The following SGCZ variants were observed in gnomAD, a reference collection of about 807,000 sequenced individuals.
SGCZ encodes the protein zeta-sarcoglycan.
Under a neutral mutation model 41.3 loss-of-function variants are expected in SGCZ, and 40 were observed. That is an observed-to-expected ratio of 0.97 (90% confidence interval 0.75 to 1.26). SGCZ has a LOEUF of 1.26. SGCZ is among the 50% of genes most tolerant of loss of function. The pLI, the probability that SGCZ is intolerant of heterozygous loss-of-function variation, is 0.00. For synonymous variants in SGCZ, 206 were observed against 137.5 expected (o/e 1.50, Z -3.49); for missense variants, 552 against 369.8 (o/e 1.49, Z -4.04).
At chr8:14,800,993 A>G (rs909303927) in intron 1 of SGCZ, among the ~76,000 whole-genome samples, 3 of 152,212 alleles carry the variant, frequency 2.0e-5, no homozygotes, top group Non-Finnish European at 4.4e-5. Flanking sequence ...AAAGGAAACT[A>G]GCTCCGAATA....
intron 3 of SGCZ, among the ~76,000 whole-genome samples, chr8:14,240,540 T>C (rs1315535551): frequency 6.6e-6 from 1 of 151,542 alleles, no homozygotes; most frequent in African/African-American, 2.4e-5. Context: ...TTCACTGTGA[T>C]AGCACCAATA....
intron 1 of SGCZ, among the ~76,000 whole-genome samples, chr8:14,671,522 A>G (rs143011608): frequency 6.6e-6 from 1 of 152,204 alleles, no homozygotes; most frequent in South Asian, 2.1e-4. Flanking sequence ...AAACACAATT[A>G]AATTTCAAGA....
At chr8:14,968,732 A>T (rs931699610) in intron 1 of SGCZ, among the ~76,000 whole-genome samples, 1 of 152,154 alleles carries the variant, frequency 6.6e-6, no homozygotes, top group Admixed American at 6.5e-5. Context: ...AAAGGCTAAA[A>T]GAAAATAACT....
chr8:14,453,149 T>C (rs778527470), intron 2 of SGCZ, among the ~76,000 whole-genome samples: 3 of 152,074 alleles, frequency 2.0e-5, no homozygotes, highest in Non-Finnish European at 2.9e-5. Context: ...ATATGTTATA[T>C]ACATTATATA....
At chr8:14,733,417 G>C (rs1317699803) in intron 1 of SGCZ, among the ~76,000 whole-genome samples, 4 of 152,084 alleles carry the variant, frequency 2.6e-5, no homozygotes, top group Non-Finnish European at 4.4e-5. Flanking sequence ...ATGCCTCTTG[G>C]TTCTAGAAAT....
intron 1 of SGCZ, among the ~76,000 whole-genome samples, chr8:14,650,981 T>C (rs1157824410): frequency 1.3e-5 from 2 of 152,076 alleles, no homozygotes; most frequent in African/African-American, 2.4e-5. Context: ...TCTTAAAATA[T>C]AAACTATAAA....
At chr8:14,689,778 T>C (rs892629286) in intron 1 of SGCZ, among the ~76,000 whole-genome samples, 2 of 152,162 alleles carry the variant, frequency 1.3e-5, no homozygotes, top group African/African-American at 4.8e-5. Context: ...TATCTATTAA[T>C]ACAACAGACG....
At chr8:14,444,036 A>G (rs1178927759) in intron 2 of SGCZ, among the ~76,000 whole-genome samples, 1 of 152,224 alleles carries the variant, frequency 6.6e-6, no homozygotes. Context: ...GAAGACATTT[A>G]TGCAGCCAAA....
At chr8:15,072,179 G>A (rs1273578079) in intron 1 of SGCZ, among the ~76,000 whole-genome samples, 7 of 151,960 alleles carry the variant, frequency 4.6e-5, no homozygotes, top group Admixed American at 2.6e-4. Flanking sequence ...CACATGTCTC[G>A]TCCCCAGTAA....
At chr8:15,135,774 G>C (rs1808080165) in intron 1 of SGCZ, among the ~76,000 whole-genome samples, 1 of 152,086 alleles carries the variant, frequency 6.6e-6, no homozygotes, top group African/African-American at 2.4e-5. Flanking sequence ...AATAATTCGA[G>C]GGTGAGCTGG....
chr8:14,883,444 T>C (rs1407190990), intron 1 of SGCZ, among the ~76,000 whole-genome samples: 1 of 152,040 alleles, frequency 6.6e-6, no homozygotes, highest in Non-Finnish European at 1.5e-5. Context: ...CACAAATAGT[T>C]TTTAAAAATG....
At chr8:14,450,587 G>A (rs1168878962) in intron 2 of SGCZ, among the ~76,000 whole-genome samples, 1 of 152,150 alleles carries the variant, frequency 6.6e-6, no homozygotes, top group Non-Finnish European at 1.5e-5. Context: ...ACAACCTCCA[G>A]TGATCACTGC....
intron 2 of SGCZ, among the ~76,000 whole-genome samples, chr8:14,408,593 A>T (rs566472032): frequency 2.4e-4 from 36 of 152,174 alleles, no homozygotes; most frequent in African/African-American, 8.2e-4. Context: ...TTTCTATATA[A>T]ATCAGTTTAT....
intron 3 of SGCZ, among the ~76,000 whole-genome samples, chr8:14,316,854 C>T (rs11994216): frequency 0.58 from 87,177 of 149,910 alleles, 27,372 homozygotes; most frequent in Non-Finnish European, 0.73. Context: ...CACACACACA[C>T]GCCCTGCACT....
chr8:14,518,564 C>A (rs932170252), intron 2 of SGCZ, among the ~76,000 whole-genome samples: 1 of 152,038 alleles, frequency 6.6e-6, no homozygotes, highest in Non-Finnish European at 1.5e-5. Flanking sequence ...TAAAATAGAA[C>A]TTTGTCTAGA....
chr8:14,272,224 T>C (rs923427896), intron 3 of SGCZ, among the ~76,000 whole-genome samples: 52 of 152,172 alleles, frequency 3.4e-4, no homozygotes, highest in African/African-American at 1.0e-3. Context: ...GGCTGGTCTC[T>C]AACTCCTGAC....
At chr8:14,896,609 TG>T (rs1322271029) in intron 1 of SGCZ, among the ~76,000 whole-genome samples, 1 of 151,898 alleles carries the variant, frequency 6.6e-6, no homozygotes, top group Non-Finnish European at 1.5e-5. Flanking sequence ...CCTAGGTAGC[TG>T]GGATTACAGG....
At chr8:14,208,621 T>C (rs1016206523) in intron 4 of SGCZ, among the ~76,000 whole-genome samples, 2 of 150,976 alleles carry the variant, frequency 1.3e-5, no homozygotes, top group East Asian at 1.9e-4. Context: ...GACATTTTTC[T>C]TTTTTTTTGG....
chr8:14,113,995 G>C, intron 5 of SGCZ, among the ~76,000 whole-genome samples: 1 of 151,936 alleles, frequency 6.6e-6, no homozygotes, highest in Middle Eastern at 3.4e-3. Context: ...GGTTCTTGCC[G>C]CTTGCTTCTC....
Sources: allele counts gnomAD v4.1 joint callset (sites outside exome capture counted in the v4.1 genomes callset), GRCh38; gene constraint gnomAD v4.1.1; transcripts MANE v1.5; gene names NCBI Gene and HGNC (gene_info 2026-07-23, HGNC 2026-07-21).